The following ESR1 variants were observed in gnomAD, a reference collection of about 807,000 sequenced individuals.
ESR1 encodes estrogen receptor 1, also known as estrogen receptor.
In ESR1, 12 loss-of-function variants were observed where a neutral mutation model predicts 52.7. That is an observed-to-expected ratio of 0.23 (90% CI 0.15 to 0.37). The LOEUF is 0.37. Among genes scored for constraint, ESR1 ranks in the 10% least tolerant of loss-of-function variants. The pLI, the probability that ESR1 is intolerant of heterozygous loss-of-function variation, is 1.00. For missense variants in ESR1, 584 were observed against 779.7 expected (o/e 0.75, Z 2.99); for synonymous variants, 305 against 316.8 (o/e 0.96, Z 0.39).
chr6:151,695,795 A>C (rs1779290621), intron 1 of ESR1, among the ~76,000 whole-genome samples: 1 of 152,204 alleles, frequency 6.6e-6, no homozygotes, highest in African/African-American at 2.4e-5. Flanking sequence ...GCTTAAAACC[A>C]TGTAAAGAAA....
upstream of ESR1, among the ~76,000 whole-genome samples, chr6:151,686,394 C>A (rs547354503): frequency 3.8e-4 from 58 of 152,126 alleles, no homozygotes; most frequent in African/African-American, 1.4e-3. Flanking sequence ...CTATAAAAAC[C>A]AGCACCTGGG....
chr6:151,779,059 T>C (rs1270814731), intron 2 of ESR1, among the ~76,000 whole-genome samples: 1 of 152,194 alleles, frequency 6.6e-6, no homozygotes, highest in Admixed American at 6.5e-5. Flanking sequence ...TTCACTCTGA[T>C]GATAGTTTCT....
At chr6:151,806,265 A>AT (rs1376616427), upstream of ESR1, among the ~76,000 whole-genome samples, 1 of 152,124 alleles carries the variant, frequency 6.6e-6, no homozygotes, top group African/African-American at 2.4e-5. Flanking sequence ...ACAATGGTCT[A>AT]TTTTTGTAAG....
chr6:151,716,229 GATGCCA>G (rs1781023338), intron 2 of ESR1, among the ~76,000 whole-genome samples: 4 of 152,126 alleles, frequency 2.6e-5, no homozygotes, highest in African/African-American at 9.7e-5. Context: ...GCACCCACCA[GATGCCA>G]GCCAGAGCTC....
intron 1 of ESR1, among the ~76,000 whole-genome samples, 183 bp downstream of exon 1, chr6:151,808,547 G>T (rs1195420877): frequency 6.6e-6 from 1 of 152,144 alleles, no homozygotes; most frequent in Non-Finnish European, 1.5e-5. Context: ...CCCGCGCTGC[G>T]TTCAGAGTCA....
downstream of ESR1, among the ~76,000 whole-genome samples, chr6:152,105,775 C>CTTTTTTTTTTT (rs71017522): frequency 2.5e-5 from 2 of 79,432 alleles, no homozygotes; most frequent in African/African-American, 5.3e-5. Context: ...CAGTATGCAT[C>CTTTTTTTTTTT]TTTTTTTTTT....
chr6:151,724,300 G>A (rs1395745514), intron 2 of ESR1, among the ~76,000 whole-genome samples: 1 of 152,114 alleles, frequency 6.6e-6, no homozygotes, highest in Non-Finnish European at 1.5e-5. Flanking sequence ...GAAATGAAGT[G>A]AAGGCTATCA....
chr6:151,952,822 A>G (rs1033608985), intron 4 of ESR1, among the ~76,000 whole-genome samples: 6 of 152,222 alleles, frequency 3.9e-5, no homozygotes, highest in Non-Finnish European at 7.3e-5. Context: ...AAATATTTCT[A>G]CAATCTGAGT....
intron 2 of ESR1, among the ~76,000 whole-genome samples, chr6:151,773,261 C>G (rs1203496676): frequency 6.6e-6 from 1 of 152,164 alleles, no homozygotes; most frequent in Non-Finnish European, 1.5e-5. Flanking sequence ...GCCAGCAAAC[C>G]CCCAGAAGCT....
chr6:151,846,430 T>C (rs186997247), intron 2 of ESR1, among the ~76,000 whole-genome samples: 1 of 152,188 alleles, frequency 6.6e-6, no homozygotes, highest in Non-Finnish European at 1.5e-5. Context: ...AACTAAAAAG[T>C]TTTTGCTGAA....
chr6:151,929,720 A>T (rs1196907710), intron 3 of ESR1, among the ~76,000 whole-genome samples: 2 of 152,134 alleles, frequency 1.3e-5, no homozygotes, highest in Non-Finnish European at 2.9e-5. Context: ...GAATCAAAAT[A>T]AATAAATCAA....
rs1305152543 is a variant in ESR1 at position 151,660,653 on chromosome 6, C to T, written n.73+3890C>T. ...TTTTCTAGCTCTTTGGCTGAGTGGA[C>T]AACATTTTGGTGTTCTTTTTCTTAT... On this transcript the variant is annotated intron_variant and non_coding_transcript_variant, in intron 1 of 2. Transcript: ENST00000473497. 2.0e-5 allele frequency among the ~76,000 whole-genome samples: 3 copies of T among 152,134 alleles called. No homozygotes were observed. In the East Asian group the frequency reaches 5.8e-4, roughly 29 times the overall value.
chr6:151,680,900 C>T lies in ESR1; in HGVS notation n.74-20975C>T, dbSNP rs980292830. Among the ~76,000 whole-genome samples, 5 of 152,272 alleles carry T rather than the reference C, an allele frequency of 3.3e-5. No homozygotes were observed. The East Asian group carries it at 9.7e-4, about 30-fold the overall frequency. ...AACCCCTGAAATCCTGTTCGAGTCG[C>T]TGGGTTTGCCTTGCTCCACTGGGAT... On this transcript the variant is annotated intron_variant and non_coding_transcript_variant, in intron 1 of 2. Coordinates refer to the ESR1 transcript ENST00000473497.
chr6:151,680,486 C>T (rs1778417621), intron 1 of ESR1, among the ~76,000 whole-genome samples: 1 of 152,134 alleles, frequency 6.6e-6, no homozygotes, highest in Admixed American at 6.5e-5. Flanking sequence ...GGTCGTGAGC[C>T]ACCATGCCCG....
At chr6:152,020,156 T>C (rs2043509602) in intron 5 of ESR1, among the ~76,000 whole-genome samples, 3 of 152,358 alleles carry the variant, frequency 2.0e-5, no homozygotes, top group South Asian at 2.1e-4. Context: ...CGCTGGTTTA[T>C]GCATGTATGC....
At chr6:151,898,417 T>A (rs947198157) in intron 3 of ESR1, among the ~76,000 whole-genome samples, 7 of 151,112 alleles carry the variant, frequency 4.6e-5, no homozygotes, top group Non-Finnish European at 8.9e-5. Flanking sequence ...TTTTTTTTTT[T>A]AATTGATCAT....
intron 6 of ESR1, among the ~76,000 whole-genome samples, chr6:152,084,529 T>C (rs1190140397): frequency 1.3e-5 from 2 of 152,180 alleles, no homozygotes; most frequent in Non-Finnish European, 2.9e-5. Flanking sequence ...TAAACCTCTT[T>C]TTCTTCCCAG....
At chr6:151,982,230 G>T (rs1169097194) in intron 4 of ESR1, among the ~76,000 whole-genome samples, 1 of 152,178 alleles carries the variant, frequency 6.6e-6, no homozygotes, top group Non-Finnish European at 1.5e-5. Flanking sequence ...GGCCTCTGAA[G>T]CCCTGGCCAC....
chr6:151,900,988 C>T (rs1796589590), intron 3 of ESR1, among the ~76,000 whole-genome samples: 1 of 152,190 alleles, frequency 6.6e-6, no homozygotes, highest in Admixed American at 6.5e-5. Context: ...CAGGCAGTGG[C>T]CAGGGCCTTA....
Sources: allele counts gnomAD v4.1 joint callset (sites outside exome capture counted in the v4.1 genomes callset), GRCh38; gene constraint gnomAD v4.1.1; transcripts MANE v1.5; gene names NCBI Gene and HGNC (gene_info 2026-07-23, HGNC 2026-07-21).